Variants in GRK5 observed in about 807,000 individuals in gnomAD.
The protein encoded by GRK5 is g protein-coupled receptor kinase GRK5.
In GRK5, 40 loss-of-function variants were observed where a neutral mutation model predicts 78.4. The ratio of observed to expected loss-of-function variants is 0.51; its 90% CI spans 0.40 to 0.66. GRK5 has a LOEUF of 0.66. Among genes scored for constraint, GRK5 ranks in the 30% least tolerant of loss-of-function variants. GRK5 has a pLI of 0.00. For synonymous variants in GRK5, 289 were observed against 296.8 expected, an observed-to-expected ratio of 0.97 and a Z score of 0.27; for missense variants, 598 against 759.9, an observed-to-expected ratio of 0.79 and a Z score of 2.50.
At chr10:119,261,012 G>T (rs1316599289) in intron 1 of GRK5, among the ~76,000 whole-genome samples, 2 of 146,922 alleles carry the variant, frequency 1.4e-5, no homozygotes, top group African/African-American at 2.5e-5. Context: ...CCTCCCGGAC[G>T]GGGCGGCTGG....
At chr10:119,313,017 GTAGTGGTAA>G (rs1267288468) in intron 1 of GRK5, among the ~76,000 whole-genome samples, 31 of 151,736 alleles carry the variant, frequency 2.0e-4, no homozygotes, top group South Asian at 4.2e-4. Flanking sequence ...GACGGTGATG[GTAGTGGTAA>G]TGGCAGTGGT....
At chr10:119,311,073 C>T (rs1295709058) in intron 1 of GRK5, among the ~76,000 whole-genome samples, 1 of 152,192 alleles carries the variant, frequency 6.6e-6, no homozygotes, top group Admixed American at 6.5e-5. Flanking sequence ...TGGTTGTATT[C>T]CCTTTTTCAG....
At chr10:119,454,247 A>G (rs1031384047) in intron 15 of GRK5, among the ~76,000 whole-genome samples, 3 of 152,212 alleles carry the variant, frequency 2.0e-5, no homozygotes, top group African/African-American at 7.2e-5. Flanking sequence ...AGAAAAAGAA[A>G]TTACCATGGA....
At chr10:119,436,500 G>A in intron 8 of GRK5, 151 bp from the exon 9 acceptor site, 1 of 706,034 alleles carries the variant, frequency 1.4e-6, no homozygotes, top group Non-Finnish European at 2.4e-6. Flanking sequence ...GAGGCCGCAG[G>A]CAGGGTCACC....
intron 1 of GRK5, among the ~76,000 whole-genome samples, chr10:119,209,719 C>T (rs1046671221): frequency 1.3e-5 from 2 of 151,894 alleles, no homozygotes; most frequent in African/African-American, 4.8e-5. Flanking sequence ...TTTTCACTCT[C>T]GCTCCATTCT....
rs200563035 is a variant in GRK5 at position 119,382,196 on chromosome 10, G to A, written c.261+1269G>A. ...CAGCTCCCTCCCCTCTGCAGGCTCT[G>A]CCTTGGGCTTAGGGGAGGCTCTGCC... is the stretch of plus-strand genomic sequence containing the variant. On this transcript the variant is annotated intron_variant, in intron 3 of 15. Coordinates refer to ENST00000392870, the MANE Select transcript of GRK5 (RefSeq NM_005308.3). Among the ~76,000 whole-genome samples, 14 of 151,534 alleles carry A rather than the reference G, an allele frequency of 9.2e-5. No homozygotes were observed. In the East Asian group the frequency reaches 2.7e-3, roughly 29 times the overall value.
intron 1 of GRK5, among the ~76,000 whole-genome samples, chr10:119,295,569 A>G (rs1238623120): frequency 6.6e-6 from 1 of 152,230 alleles, no homozygotes; most frequent in East Asian, 1.9e-4. Context: ...CTGTCAATCA[A>G]TGAGTAGATA....
rs1385413925 is a variant in GRK5, at chr10:119,290,372, A to G, written c.53-36144A>G. On this transcript the variant is annotated intron_variant, in intron 1 of 15. Coordinates refer to ENST00000392870, the MANE Select transcript of GRK5 (RefSeq NM_005308.3). ...AAAAAAAAAAAAAAAAACAAAAAAC[A>G]ACTCTGTCCCCTTCTCCCTGTGGCC... Among the ~76,000 whole-genome samples the G allele has an allele frequency of 2.2e-5, 3 of 139,078 alleles. No individual in the cohort carries two copies. The East Asian group carries it at 6.2e-4, about 29-fold the overall frequency. 91.2% of individuals were successfully genotyped at this position (139,078 alleles called of 152,430 possible).
At position 119,238,649 on chromosome 10, in the gene GRK5, C is replaced by A. The variant is rs936487461; in HGVS notation, c.52+30680C>A. On this transcript the variant is annotated intron_variant, in intron 1 of 15. Coordinates refer to ENST00000392870, the MANE Select transcript of GRK5 (RefSeq NM_005308.3). This position sits in a 1 kb window ranked among gnomAD's most constrained non-coding sequence, Gnocchi z 4.7. ...GACCTGAGCTTCAGTGCCAGAGAGTCGAGCAAAGAGAATATCACTTTTACT... is the reference window on the plus strand; with the variant it reads ...GACCTGAGCTTCAGTGCCAGAGAGTAGAGCAAAGAGAATATCACTTTTACT... Among the ~76,000 whole-genome samples, 1 of 152,146 alleles carries A rather than the reference C, an allele frequency of 6.6e-6. No homozygotes were observed. The highest frequency in any genetic ancestry group is 2.4e-5 in the African/African-American group (1 of 41,424).
chr10:119,419,005 C>A (rs1462114776), intron 4 of GRK5, among the ~76,000 whole-genome samples: 1 of 152,216 alleles, frequency 6.6e-6, no homozygotes, highest in African/African-American at 2.4e-5. Flanking sequence ...GACATCCCTG[C>A]AGGAAGAGCT....
chr10:119,378,066 TGGC>T lies in GRK5; in HGVS notation c.149-2748_149-2746del, dbSNP rs754721018. 3 of 154,394 alleles carry T rather than the reference TGGC, an allele frequency of 1.9e-5. No homozygotes were observed. The highest frequency in any genetic ancestry group is 4.4e-5 in the Non-Finnish European group (3 of 68,232). 9.6% of individuals were successfully genotyped at this position (154,394 alleles called of 1,614,324 possible). A position where few individuals can be genotyped will look rare whatever the true frequency, so the allele number is the denominator to read the frequency against. ...GCCGCTGAGACCAGGTTCCCTACTG[TGGC>T]TGATGATCACACTCATCTAGCTTGA... On this transcript the variant is annotated intron_variant, in intron 2 of 15. Transcript: ENST00000392870. This position sits in a 1 kb window ranked among gnomAD's most constrained non-coding sequence, Gnocchi z 4.5.
rs888867497 is a variant in GRK5, at chr10:119,379,001, C to T, written c.149-1814C>T. On this transcript the variant is annotated intron_variant, in intron 2 of 15. Coordinates refer to ENST00000392870, the MANE Select transcript of GRK5 (RefSeq NM_005308.3). The surrounding 1 kb of genome is among the most constrained non-coding windows in gnomAD (Gnocchi z 4.1). ...CTTTTGATTGGCTGTGACTGAGTCACGTGCCTGTCTCCGTAGCATGGGAGG... is the reference window on the plus strand; with the variant it reads ...CTTTTGATTGGCTGTGACTGAGTCATGTGCCTGTCTCCGTAGCATGGGAGG... 1.3e-5 allele frequency among the ~76,000 whole-genome samples: 2 copies of T among 152,186 alleles called. No individual in the cohort carries two copies. The highest frequency in any genetic ancestry group is 2.9e-5 in the Non-Finnish European group (2 of 68,034).
At chr10:119,223,790 C>T (rs1318669657) in intron 1 of GRK5, among the ~76,000 whole-genome samples, 1 of 151,524 alleles carries the variant, frequency 6.6e-6, no homozygotes, top group African/African-American at 2.4e-5. Context: ...AGGGCTGACA[C>T]CAGGGCTTTT....
Position 119,443,667 on chromosome 10 carries a change from G to T in GRK5, c.1181G>T (p.Arg394Leu), listed in dbSNP as rs750739113. The stretch of plus-strand genomic sequence containing the variant: ...CGCGGCCGCAAGGAGAAGGTGAAGC[G>T]GGAGGAGGTGGACCGCCGGGTCCTG... ...PFRGRKEKVK[R>L]EEVDRRVLET... Residue 394 changes from arginine to leucine, a missense_variant, in exon 12 of 16, where the codon CGG becomes CTG. Coordinates refer to ENST00000392870, the MANE Select transcript of GRK5 (RefSeq NM_005308.3). 6.2e-7 allele frequency: 1 copy of T among 1,613,412 alleles called. No homozygotes were observed. Among genetic ancestry groups the T allele is most frequent in the Non-Finnish European group, 8.5e-7 (1 of 1,179,844 alleles).
chr10:119,423,373 G>C (rs1852610207), intron 5 of GRK5, 107 bp downstream of exon 5: 1 of 726,064 alleles, frequency 1.4e-6, no homozygotes, highest in Non-Finnish European at 2.5e-6. Context: ...TTCCATGCCT[G>C]ACAGCTTCAG....
chr10:119,306,242 G>C (rs141054129), intron 1 of GRK5, among the ~76,000 whole-genome samples: 1 of 152,170 alleles, frequency 6.6e-6, no homozygotes. Flanking sequence ...AAATTTGCCC[G>C]CTAACAGGCC....
intron 3 of GRK5, among the ~76,000 whole-genome samples, chr10:119,391,568 C>T (rs1013468818): frequency 4.6e-5 from 7 of 152,114 alleles, no homozygotes; most frequent in Admixed American, 1.3e-4. Flanking sequence ...GGGACTGACG[C>T]GGGATCGTGG....
chr10:119,367,829 G>A (rs1456786454), intron 2 of GRK5, among the ~76,000 whole-genome samples: 1 of 152,234 alleles, frequency 6.6e-6, no homozygotes, highest in Admixed American at 6.5e-5. Context: ...GGGACCCTGA[G>A]ACATCAGGAC....
rs113171581 is a variant in GRK5, at chr10:119,348,869, A to G, written c.148+22258A>G. Among the ~76,000 whole-genome samples the G allele has an allele frequency of 5.9e-3, 891 of 152,222 alleles. 5 individuals carry two copies. The highest frequency in any genetic ancestry group is 9.9e-3 in the Non-Finnish European group (673 of 68,024). ...CAAAAAAGGAGTTCGCTCCATTAAGAGGTATAAATAGGAGTGCTGGGGGTG... is the reference window on the plus strand; with the variant it reads ...CAAAAAAGGAGTTCGCTCCATTAAGGGGTATAAATAGGAGTGCTGGGGGTG... On this transcript the variant is annotated intron_variant, in intron 2 of 15. Transcript: ENST00000392870.
Sources: gnomAD v4.1 joint callset for allele counts (sites outside exome capture counted in the v4.1 genomes callset) on GRCh38, gnomAD v4.1.1 for gene constraint, Gnocchi (gnomAD v3.1) non-coding constraint, MANE v1.5 for transcripts, NCBI Gene and HGNC (gene_info 2026-07-23, HGNC 2026-07-21) for gene names.